Variants in SCYL3 observed in about 807,000 individuals in gnomAD.
SCYL3 encodes the protein SCY1 like pseudokinase 3, also known as protein-associating with the carboxyl-terminal domain of ezrin.
In SCYL3, 35 loss-of-function variants were observed where a neutral mutation model predicts 73.8. That is an observed-to-expected ratio of 0.47 (90% CI 0.36 to 0.63). SCYL3 has a LOEUF of 0.63. Among genes scored for constraint, SCYL3 ranks in the 20% least tolerant of loss-of-function variants. The pLI is 0.00. For synonymous variants in SCYL3, 277 were observed against 295.2 expected (o/e 0.94, Z 0.63); for missense variants, 712 against 798.9 (o/e 0.89, Z 1.31).
rs182416847 is a variant in SCYL3 at position 169,882,432 on chromosome 1, C to A, written c.166-3613G>T. On this transcript the variant is annotated intron_variant, in intron 2 of 12. Transcript: ENST00000367771. ...CCTGTGCGACCCCAGCCTCCCTGAC[C>A]AGCGCCGCCCCCTGCTCCACGGAGC... 2.6e-5 allele frequency among the ~76,000 whole-genome samples: 4 copies of A among 152,294 alleles called. No individual in the cohort carries two copies. The East Asian group carries it at 7.7e-4, about 29-fold the overall frequency.
chr1:169,855,568 G>A (rs748534476), intron 11 of SCYL3, among the ~76,000 whole-genome samples: 3 of 152,166 alleles, frequency 2.0e-5, no homozygotes, highest in Non-Finnish European at 4.4e-5. Flanking sequence ...TCAAAGTAAA[G>A]TATCAGTGCA....
intron 11 of SCYL3, among the ~76,000 whole-genome samples, chr1:169,857,724 A>C (rs1242367981): frequency 6.7e-6 from 1 of 149,410 alleles, no homozygotes; most frequent in Non-Finnish European, 1.5e-5. Flanking sequence ...CTTACCATTT[A>C]AGCAAAAATC....
At chr1:169,873,455 G>A (rs369691548) in intron 5 of SCYL3, among the ~76,000 whole-genome samples, 1 of 152,180 alleles carries the variant, frequency 6.6e-6, no homozygotes, top group Non-Finnish European at 1.5e-5. Context: ...GGGTATAATT[G>A]TCTGTTCACA....
chr1:169,880,267 A>G (rs530790716), intron 2 of SCYL3, among the ~76,000 whole-genome samples: 1 of 152,270 alleles, frequency 6.6e-6, no homozygotes, highest in East Asian at 1.9e-4. Flanking sequence ...GAAAATACTT[A>G]AAGTATTTAG....
At chr1:169,880,745 A>G (rs1193550079) in intron 2 of SCYL3, among the ~76,000 whole-genome samples, 1 of 151,062 alleles carries the variant, frequency 6.6e-6, no homozygotes, top group Non-Finnish European at 1.5e-5. Flanking sequence ...TAAATATTAC[A>G]ATAAATATGA....
chr1:169,850,416 A>G lies in SCYL3; in HGVS notation c.*3297T>C. On this transcript the variant is annotated 3_prime_UTR_variant, in exon 13 of 13. Transcript: ENST00000367771. ...TTTTTTCCGAAATTATGTAACTGTAACCAACCTGAGTGTCTTCTTAGCTTA... is the reference window on the plus strand; with the variant it reads ...TTTTTTCCGAAATTATGTAACTGTAGCCAACCTGAGTGTCTTCTTAGCTTA... The G allele has an allele frequency of 1.9e-6, 2 of 1,038,672 alleles. No homozygotes were observed. The highest frequency in any genetic ancestry group is 2.5e-5 in the East Asian group (1 of 40,432). 64.3% of individuals were successfully genotyped at this position (1,038,672 alleles called of 1,614,324 possible). A position where few individuals can be genotyped will look rare whatever the true frequency, so the allele number is the denominator to read the frequency against.
In SCYL3 at chr1:169,852,114, C is replaced by T. The variant is rs565024067; in HGVS notation, c.*1599G>A. On this transcript the variant is annotated 3_prime_UTR_variant, in exon 13 of 13. Transcript: ENST00000367771. Reference sequence around the variant, plus strand: ...CTTTTAAAATTAAGAAGTGGGACTACACCATATCAAATATATTCTTTCAGT... The same window carrying T: ...CTTTTAAAATTAAGAAGTGGGACTATACCATATCAAATATATTCTTTCAGT... 8.5e-5 allele frequency: 63 copies of T among 740,506 alleles called. No individual in the cohort carries two copies. Among genetic ancestry groups the T allele is most frequent in the African/African-American group, 7.1e-4 (40 of 56,590 alleles). 45.9% of individuals were successfully genotyped at this position (740,506 alleles called of 1,614,324 possible).
chr1:169,860,747 A>C (rs2102146160), intron 10 of SCYL3, among the ~76,000 whole-genome samples: 1 of 152,300 alleles, frequency 6.6e-6, no homozygotes, highest in South Asian at 2.1e-4. Flanking sequence ...CTTCCATCTA[A>C]TGAGAAACTG....
chr1:169,855,205 G>A (rs992423441), intron 11 of SCYL3, among the ~76,000 whole-genome samples: 5 of 152,098 alleles, frequency 3.3e-5, no homozygotes, highest in East Asian at 1.9e-4. Flanking sequence ...AATAACTAGT[G>A]CATTCAATCC....
At chr1:169,880,902 C>T (rs1262857410) in intron 2 of SCYL3, among the ~76,000 whole-genome samples, 5 of 152,002 alleles carry the variant, frequency 3.3e-5, no homozygotes, top group Non-Finnish European at 7.4e-5. Flanking sequence ...GCTGGGACTA[C>T]AGGCTTGCAC....
Position 169,851,004 on chromosome 1 carries a change from T to TTTG in SCYL3, c.*2708_*2709insCAA, listed in dbSNP as rs1658151721. On this transcript the variant is annotated 3_prime_UTR_variant, in exon 13 of 13. Coordinates refer to ENST00000367771, the MANE Select transcript of SCYL3 (RefSeq NM_020423.7). The stretch of plus-strand genomic sequence containing the variant: ...GCTTTTTTTTTTTTTTTTTTTTTTT[T>TTTG]TTATTTGGGCAGCCTCCCAAGCCAG... 2.1e-5 allele frequency: 1 copy of TTTG among 47,736 alleles called. No homozygotes were observed. Among genetic ancestry groups the TTTG allele is most frequent in the South Asian group, 9.7e-4 (1 of 1,028 alleles). 3.0% of individuals were successfully genotyped at this position (47,736 alleles called of 1,614,324 possible). A position where few individuals can be genotyped will look rare whatever the true frequency, so the allele number is the denominator to read the frequency against.
Position 169,851,075 on chromosome 1 carries a change from G to T in SCYL3, c.*2638C>A, listed in dbSNP as rs1292643131. ...TTTTTTTTTTTTTTTTTTTTTTTTG[G>T]CATGGCTTTTTTATTCTCTTTGCAG... On this transcript the variant is annotated 3_prime_UTR_variant, in exon 13 of 13. Transcript: ENST00000367771. 1 of 33,716 alleles carries T rather than the reference G, an allele frequency of 3.0e-5. No individual in the cohort carries two copies. The highest frequency in any genetic ancestry group is 5.0e-5 in the Non-Finnish European group (1 of 20,156). 2.1% of individuals were successfully genotyped at this position (33,716 alleles called of 1,614,324 possible).
chr1:169,891,802 T>TA (rs1662105774), intron 1 of SCYL3, among the ~76,000 whole-genome samples: 2 of 152,246 alleles, frequency 1.3e-5, no homozygotes, highest in Non-Finnish European at 2.9e-5. Context: ...TTAATTTACT[T>TA]AGCTATTTCT....
In SCYL3 at chr1:169,882,794, G is replaced by C. The variant is rs534002050; in HGVS notation, c.166-3975C>G. Among the ~76,000 whole-genome samples the C allele has an allele frequency of 1.7e-4, 26 of 152,218 alleles. No homozygotes were observed. In the East Asian group the frequency reaches 4.6e-3, roughly 27 times the overall value. On this transcript the variant is annotated intron_variant, in intron 2 of 12. Transcript: ENST00000367771. ...ACACTCTGTATCTAGCTAATCTGGT[G>C]GGGAGGTGGAGAACCTTTGTGTCTA... is the stretch of plus-strand genomic sequence containing the variant.
chr1:169,863,706 G>A (rs1036667198), intron 9 of SCYL3, among the ~76,000 whole-genome samples: 1 of 152,214 alleles, frequency 6.6e-6, no homozygotes, highest in African/African-American at 2.4e-5. Context: ...GGAATAGGAT[G>A]TAAGAGCTAT....
intron 1 of SCYL3, among the ~76,000 whole-genome samples, chr1:169,890,109 G>A (rs1403253611): frequency 6.6e-6 from 1 of 152,224 alleles, no homozygotes; most frequent in Non-Finnish European, 1.5e-5. Flanking sequence ...GACCTACTGT[G>A]AGAGGCTTGC....
intron 7 of SCYL3, 127 bp from the exon 8 acceptor site, chr1:169,867,100 T>G (rs964799343): frequency 3.3e-6 from 2 of 598,630 alleles, no homozygotes; most frequent in African/African-American, 1.9e-5. Flanking sequence ...ATTTAAAGAT[T>G]CTATTACAAC....
At chr1:169,885,479 G>A (rs986435712) in intron 2 of SCYL3, among the ~76,000 whole-genome samples, 3 of 152,098 alleles carry the variant, frequency 2.0e-5, no homozygotes, top group Non-Finnish European at 4.4e-5. Flanking sequence ...ATAATTTCAC[G>A]CTGTTAAATA....
intron 7 of SCYL3, among the ~76,000 whole-genome samples, chr1:169,867,481 G>A (rs1450792989): frequency 6.6e-6 from 1 of 152,114 alleles, no homozygotes; most frequent in East Asian, 1.9e-4. Context: ...TTTCCTACAG[G>A]GCTGCCAGAG....
Sources: allele counts gnomAD v4.1 joint callset (sites outside exome capture counted in the v4.1 genomes callset), GRCh38; gene constraint gnomAD v4.1.1; transcripts MANE v1.5; gene names NCBI Gene and HGNC (gene_info 2026-07-23, HGNC 2026-07-21).